KIF2A: variants seen among roughly 807,000 people sequenced by gnomAD.
The protein encoded by KIF2A is kinesin family member 2A.
In KIF2A, 22 loss-of-function variants were observed where a neutral mutation model predicts 100.2. The observed-to-expected ratio is 0.22, with a 90% confidence interval of 0.16 to 0.31. The LOEUF (loss-of-function observed/expected upper bound fraction) is 0.31, where lower values mean the gene tolerates loss of function less well. KIF2A is among the 10% of genes least tolerant of loss of function. The pLI, the probability that KIF2A is intolerant of heterozygous loss-of-function variation, is 1.00. For synonymous variants in KIF2A, 268 were observed against 285.9 expected (o/e 0.94, Z 0.63); for missense variants, 495 against 898.7 (o/e 0.55, Z 5.74).
chr5:62,382,432 T>C (rs1741808161), intron 20 of KIF2A, among the ~76,000 whole-genome samples: 1 of 152,122 alleles, frequency 6.6e-6, no homozygotes, highest in East Asian at 1.9e-4. Context: ...CACAGTGAGA[T>C]CCTGTCTCAA....
intron 1 of KIF2A, among the ~76,000 whole-genome samples, chr5:62,340,615 C>T (rs1039804148): frequency 1.3e-5 from 2 of 152,184 alleles, no homozygotes; most frequent in Non-Finnish European, 2.9e-5. Flanking sequence ...TTCTCCCAGT[C>T]ATCCAGGCTT....
Position 62,371,734 on chromosome 5 carries a change from G to C in KIF2A, c.1647-704G>C, listed in dbSNP as rs568088975. Among the ~76,000 whole-genome samples, 16 of 152,262 alleles carry C rather than the reference G, an allele frequency of 1.1e-4. No homozygotes were observed. The South Asian group carries it at 3.3e-3, about 32-fold the overall frequency. ...GGTACTTAATAAATATTTTATATGG[G>C]TATGAAATAGGGTTGGCCCAAAAGA... On this transcript the variant is annotated intron_variant, in intron 16 of 20. Transcript: ENST00000407818.
rs1265991068 is a variant in KIF2A at position 62,387,159 on chromosome 5, A to C, written c.*1590A>C. 1 of 151,730 alleles carries C rather than the reference A, an allele frequency of 6.6e-6. No homozygotes were observed. The highest frequency in any genetic ancestry group is 1.5e-5 in the Non-Finnish European group (1 of 68,026). The allele number at this position is 151,730 out of a possible 1,614,324, so 9.4% of individuals were successfully genotyped here. On this transcript the variant is annotated 3_prime_UTR_variant, in exon 21 of 21. Transcript: ENST00000407818. ...AAATGTAGATTTTCACAATATGCTT[A>C]TTAATAAATGAAGTCTATGGAATAA...
intron 16 of KIF2A, among the ~76,000 whole-genome samples, chr5:62,366,977 T>C (rs1471898010): frequency 6.6e-6 from 1 of 152,106 alleles, no homozygotes; most frequent in Admixed American, 6.5e-5. Flanking sequence ...TGGAAATGGG[T>C]AATTTGGGAA....
chr5:62,376,809 T>C (rs1580098593), intron 18 of KIF2A, among the ~76,000 whole-genome samples: 1 of 152,114 alleles, frequency 6.6e-6, no homozygotes, highest in East Asian at 1.9e-4. Flanking sequence ...TCTGACTTGC[T>C]ATAGGACGAA....
chr5:62,381,267 C>A lies in KIF2A; in HGVS notation c.2149+14C>A. 2.5e-6 allele frequency: 4 copies of A among 1,608,640 alleles called. No homozygotes were observed. The highest frequency in any genetic ancestry group is 3.4e-6 in the Non-Finnish European group (4 of 1,175,788). ...CTGAACTGCGGGGTAATTCTTTTTC[C>A]ATTTTAATGTTTGAAATCTGATTGG... On this transcript the variant is annotated intron_variant, in intron 20 of 20. Transcript: ENST00000407818.
chr5:62,328,936 C>T lies in KIF2A; in HGVS notation c.65-18194C>T, dbSNP rs149834672. Among the ~76,000 whole-genome samples the T allele has an allele frequency of 1.5e-3, 234 of 152,280 alleles. 1 individual carries two copies. The highest frequency in any genetic ancestry group is 5.5e-3 in the African/African-American group (227 of 41,556). On this transcript the variant is annotated intron_variant, in intron 1 of 20. Transcript: ENST00000407818. ...TGCTACCTTAATTGTTAGTGTGCAG[C>T]TCAACAGATCCGAAGTTTCCCCATC... is the stretch of plus-strand genomic sequence containing the variant.
chr5:62,359,986 T>C (rs1251541187), intron 9 of KIF2A, among the ~76,000 whole-genome samples: 1 of 151,714 alleles, frequency 6.6e-6, no homozygotes, highest in Non-Finnish European at 1.5e-5. Flanking sequence ...CTGTTTTCCA[T>C]CTTTTTTTTT....
intron 1 of KIF2A, among the ~76,000 whole-genome samples, chr5:62,316,966 A>G (rs1351255021): frequency 1.3e-5 from 2 of 152,130 alleles, no homozygotes; most frequent in Non-Finnish European, 2.9e-5. Context: ...TGTCATGCAT[A>G]GTCTATTGGC....
At chr5:62,328,667 T>C (rs1423906224) in intron 1 of KIF2A, among the ~76,000 whole-genome samples, 3 of 151,864 alleles carry the variant, frequency 2.0e-5, no homozygotes, top group Non-Finnish European at 4.4e-5. Flanking sequence ...AATTTTGTGT[T>C]TTTAGTAGAG....
intron 20 of KIF2A, among the ~76,000 whole-genome samples, chr5:62,385,218 A>G (rs969533042): frequency 3.3e-5 from 5 of 152,216 alleles, no homozygotes; most frequent in Non-Finnish European, 7.3e-5. Context: ...AATAAATTAA[A>G]ACAGAGAACT....
At chr5:62,369,256 T>TA (rs982359725) in intron 16 of KIF2A, among the ~76,000 whole-genome samples, 1 of 152,102 alleles carries the variant, frequency 6.6e-6, no homozygotes, top group Non-Finnish European at 1.5e-5. Flanking sequence ...CGAGACTGGG[T>TA]AATTTATGAA....
At chr5:62,318,777 C>G (rs990403000) in intron 1 of KIF2A, among the ~76,000 whole-genome samples, 1 of 152,134 alleles carries the variant, frequency 6.6e-6, no homozygotes, top group Non-Finnish European at 1.5e-5. Flanking sequence ...AAACTAAATG[C>G]TTCTCTTTAG....
chr5:62,383,651 C>T (rs537498311), intron 20 of KIF2A, among the ~76,000 whole-genome samples: 4 of 152,168 alleles, frequency 2.6e-5, no homozygotes, highest in African/African-American at 9.6e-5. Flanking sequence ...GACTGTTGAA[C>T]TAAAATTTTC....
At chr5:62,311,277 G>T (rs1745542911) in intron 1 of KIF2A, among the ~76,000 whole-genome samples, 1 of 152,120 alleles carries the variant, frequency 6.6e-6, no homozygotes, top group African/African-American at 2.4e-5. Flanking sequence ...GCTTTTTACA[G>T]CCCAGTCAAG....
intron 9 of KIF2A, among the ~76,000 whole-genome samples, chr5:62,358,809 C>T (rs1181402941): frequency 3.3e-5 from 5 of 152,134 alleles, no homozygotes; most frequent in African/African-American, 1.2e-4. Flanking sequence ...TAGCTGGGAC[C>T]ACAGGCATGC....
At chr5:62,319,616 A>C (rs1263715397) in intron 1 of KIF2A, among the ~76,000 whole-genome samples, 2 of 152,162 alleles carry the variant, frequency 1.3e-5, no homozygotes, top group African/African-American at 4.8e-5. Context: ...ACTGCCTAGC[A>C]CAGGCACTCT....
At chr5:62,315,249 C>CAAAA (rs765995590) in intron 1 of KIF2A, among the ~76,000 whole-genome samples, 5 of 66,510 alleles carry the variant, frequency 7.5e-5, no homozygotes, top group Non-Finnish European at 1.2e-4. Flanking sequence ...AAAAACAGAC[C>CAAAA]AAAAAAAAAA....
At chr5:62,358,858 T>C (rs1748245157) in intron 9 of KIF2A, among the ~76,000 whole-genome samples, 1 of 152,006 alleles carries the variant, frequency 6.6e-6, no homozygotes, top group South Asian at 2.1e-4. Flanking sequence ...TTTTGTAGAG[T>C]TGAGGTTTCG....
Sources: gnomAD v4.1 joint callset for allele counts (sites outside exome capture counted in the v4.1 genomes callset) on GRCh38, gnomAD v4.1.1 for gene constraint, MANE v1.5 for transcripts, NCBI Gene and HGNC (gene_info 2026-07-23, HGNC 2026-07-21) for gene names.